The following GLT8D2 variants were observed in gnomAD, a reference collection of about 807,000 sequenced individuals.
GLT8D2 encodes the protein glycosyltransferase 8 domain containing 2.
GLT8D2 carries 45 observed loss-of-function variants against 44.5 expected under a neutral mutation model. The observed-to-expected ratio is 1.01, with a 90% CI of 0.80 to 1.30. The LOEUF is 1.30. Among genes scored for constraint, GLT8D2 ranks in the 50% most tolerant of loss-of-function variants. The probability of loss-of-function intolerance (pLI) is 0.00; values close to 1 mark genes in which losing one functional copy is unlikely to be tolerated. For synonymous variants in GLT8D2, 156 were observed against 157.2 expected (o/e 0.99, Z 0.06); for missense variants, 400 against 430.4 (o/e 0.93, Z 0.62).
upstream of GLT8D2, among the ~76,000 whole-genome samples, chr12:104,052,181 T>C (rs144391331): frequency 5.7e-4 from 87 of 152,346 alleles, no homozygotes; most frequent in Middle Eastern, 3.4e-3. Flanking sequence ...AAGTACTCAG[T>C]AGTCAATGTG....
At chr12:104,036,571 T>C (rs1210223214) in intron 1 of GLT8D2, among the ~76,000 whole-genome samples, 1 of 152,148 alleles carries the variant, frequency 6.6e-6, no homozygotes, top group Non-Finnish European at 1.5e-5. Flanking sequence ...AAGAAGGCCA[T>C]TACGTCATGG....
At chr12:103,996,675 G>A in intron 8 of GLT8D2, 60 bp downstream of exon 8, 4 of 1,184,626 alleles carry the variant, frequency 3.4e-6, no homozygotes, top group South Asian at 2.6e-5. Context: ...CTTGCAGAGG[G>A]GGGAGAAGGG....
At chr12:103,989,750 C>T (rs980616779) in intron 10 of GLT8D2, among the ~76,000 whole-genome samples, 173 bp from the exon 11 acceptor site, 1 of 152,034 alleles carries the variant, frequency 6.6e-6, no homozygotes, top group African/African-American at 2.4e-5. Context: ...TCTTGTGAAT[C>T]CTTCTAGTAG....
At position 103,999,413 on chromosome 12, in the gene GLT8D2, G is replaced by T. The variant is rs1298392470; in HGVS notation, c.386C>A (p.Pro129His). ...CCTACTTACAGGCTGGAGCAATTCAGGCCTCGATGAGTCTGGTCTGATCTT... is the reference window on the plus strand; with the variant it reads ...CCTACTTACAGGCTGGAGCAATTCATGCCTCGATGAGTCTGGTCTGATCTT... ...KGKIRPDSSR[P>H]ELLQPLNFVR... The change falls in exon 6 of 11, where the codon CCT (proline) becomes CAT (histidine). Residue 129 changes from proline (P) to histidine (H), a missense_variant. Transcript: ENST00000360814. The T allele has an allele frequency of 1.2e-6, 2 of 1,607,438 alleles. No individual in the cohort carries two copies. Among genetic ancestry groups the T allele is most frequent in the Non-Finnish European group, 1.7e-6 (2 of 1,174,106 alleles).
chr12:104,002,038 C>T (rs547375368), intron 5 of GLT8D2, among the ~76,000 whole-genome samples: 6 of 152,192 alleles, frequency 3.9e-5, no homozygotes, highest in African/African-American at 4.8e-5. Context: ...TTAAGTGATG[C>T]GATCATAGCT....
intron 4 of GLT8D2, among the ~76,000 whole-genome samples, chr12:104,013,051 G>T (rs1464821832): frequency 6.6e-6 from 1 of 152,180 alleles, no homozygotes; most frequent in African/African-American, 2.4e-5. Flanking sequence ...GTGCTATTTT[G>T]TTATGGCAGC....
intron 1 of GLT8D2, among the ~76,000 whole-genome samples, chr12:104,030,065 A>T (rs1455227913): frequency 1.3e-5 from 2 of 152,224 alleles, no homozygotes; most frequent in African/African-American, 2.4e-5. Context: ...AACTGAAGGC[A>T]TCACATTTCC....
intron 4 of GLT8D2, chr12:104,014,147 T>C (rs566254038): frequency 3.5e-6 from 2 of 575,736 alleles, no homozygotes; most frequent in Admixed American, 2.8e-5. Context: ...GAGGACAGCT[T>C]GAGCCCAGGA....
chr12:104,057,568 T>C (rs1205482573), intron 1 of GLT8D2, among the ~76,000 whole-genome samples: 2 of 152,120 alleles, frequency 1.3e-5, no homozygotes, highest in African/African-American at 2.4e-5. Flanking sequence ...TTTTAAATTA[T>C]GGCATAATAA....
At position 104,014,785 on chromosome 12, in the gene GLT8D2, T is replaced by C. The variant is rs142815729; in HGVS notation, c.112+228A>G. Among the ~76,000 whole-genome samples the C allele has an allele frequency of 1.2e-4, 18 of 152,282 alleles. No homozygotes were observed. In the East Asian group the frequency reaches 3.5e-3, roughly 29 times the overall value. ...CTCACGGGTGGGCCCAGTGCTGTGT[T>C]TTAACAAGCTCTCCATGTGACTCTC... On this transcript the variant is annotated intron_variant, in intron 4 of 10. Transcript: ENST00000360814.
chr12:104,026,140 G>A (rs758042736), intron 1 of GLT8D2, among the ~76,000 whole-genome samples: 4 of 151,932 alleles, frequency 2.6e-5, no homozygotes, highest in Non-Finnish European at 2.9e-5. Context: ...TTGGCTGGAC[G>A]TGGTGGGCCA....
chr12:103,991,595 A>C (rs1264614972), intron 10 of GLT8D2, among the ~76,000 whole-genome samples: 1 of 152,190 alleles, frequency 6.6e-6, no homozygotes, highest in East Asian at 1.9e-4. Flanking sequence ...CATATTTAAA[A>C]ATAGACCTTC....
At chr12:104,011,335 A>G (rs1166360265) in intron 4 of GLT8D2, among the ~76,000 whole-genome samples, 1 of 152,254 alleles carries the variant, frequency 6.6e-6, no homozygotes, top group Non-Finnish European at 1.5e-5. Flanking sequence ...AGTAAACATC[A>G]CAATGCTGGC....
intron 1 of GLT8D2, among the ~76,000 whole-genome samples, chr12:104,036,779 C>T (rs1157433566): frequency 6.6e-6 from 1 of 152,102 alleles, no homozygotes; most frequent in Non-Finnish European, 1.5e-5. Flanking sequence ...CAAGAATATC[C>T]AAGACTTGAG....
intron 4 of GLT8D2, among the ~76,000 whole-genome samples, chr12:104,006,746 G>A (rs1464100813): frequency 1.3e-5 from 2 of 152,210 alleles, no homozygotes; most frequent in African/African-American, 2.4e-5. Context: ...CTCAAAATCT[G>A]GGGTCATAGT....
chr12:103,990,635 A>T (rs1345262352), intron 10 of GLT8D2, among the ~76,000 whole-genome samples: 3 of 152,216 alleles, frequency 2.0e-5, no homozygotes, highest in Admixed American at 6.5e-5. Context: ...GGGTTATGTT[A>T]TTCTATTGTA....
chr12:104,018,868 C>A (rs902449279), intron 3 of GLT8D2, among the ~76,000 whole-genome samples: 15 of 152,176 alleles, frequency 9.9e-5, no homozygotes, highest in African/African-American at 3.4e-4. Flanking sequence ...CCCTGAGGGT[C>A]ACAGAATTAG....
In GLT8D2 at chr12:104,019,582, C is replaced by T. The variant is rs190939065; in HGVS notation, c.19+48G>A. On this transcript the variant is annotated intron_variant, in intron 3 of 10. Transcript: ENST00000360814. ...GCCAAGCCCCAGCCTCAAAACCATCCTCCCAAATATGTTTTTAAATCATTA... is the reference window on the plus strand; with the variant it reads ...GCCAAGCCCCAGCCTCAAAACCATCTTCCCAAATATGTTTTTAAATCATTA... The T allele has an allele frequency of 1.6e-3, 2,368 of 1,463,758 alleles. 5 individuals carry two copies. Among genetic ancestry groups the T allele is most frequent in the Non-Finnish European group, 2.1e-3 (2,231 of 1,053,608 alleles). The allele number at this position is 1,463,758 out of a possible 1,614,324, so 90.7% of individuals were successfully genotyped here. A position where few individuals can be genotyped will look rare whatever the true frequency, so the allele number is the denominator to read the frequency against.
intron 3 of GLT8D2, among the ~76,000 whole-genome samples, chr12:104,015,868 T>C (rs1308008145): frequency 6.6e-6 from 1 of 152,066 alleles, no homozygotes; most frequent in Non-Finnish European, 1.5e-5. Flanking sequence ...CTGGGCGTGA[T>C]GGTGCATGCC....
Sources: gnomAD v4.1 joint callset for allele counts (sites outside exome capture counted in the v4.1 genomes callset) on GRCh38, gnomAD v4.1.1 for gene constraint, MANE v1.5 for transcripts, NCBI Gene and HGNC (gene_info 2026-07-23, HGNC 2026-07-21) for gene names.